AKAP6: variants seen among roughly 807,000 people sequenced by gnomAD.
The protein encoded by AKAP6 is A-kinase anchor protein 6.
In AKAP6, 58 loss-of-function variants were observed where a neutral mutation model predicts 188.5. The ratio of observed to expected loss-of-function variants is 0.31; its 90% confidence interval spans 0.25 to 0.38. AKAP6 has a LOEUF of 0.38. Among genes scored for constraint, AKAP6 ranks in the 10% least tolerant of loss-of-function variants. The pLI is 1.00. For synonymous variants in AKAP6, 989 were observed against 998.6 expected, an observed-to-expected ratio of 0.99 and a Z score of 0.18; for missense variants, 2,710 against 2,740.0, an observed-to-expected ratio of 0.99 and a Z score of 0.24.
chr14:32,596,245 A>G (rs1359588136), intron 5 of AKAP6, among the ~76,000 whole-genome samples: 2 of 152,172 alleles, frequency 1.3e-5, no homozygotes. Flanking sequence ...CCTTGGTTTT[A>G]TGTCCACATG....
intron 12 of AKAP6, among the ~76,000 whole-genome samples, chr14:32,810,123 A>G (rs528133155): frequency 6.6e-5 from 10 of 152,286 alleles, no homozygotes; most frequent in Non-Finnish European, 1.5e-4. Context: ...TCTCTGTGCG[A>G]TCAACTCAGT....
intron 7 of AKAP6, among the ~76,000 whole-genome samples, chr14:32,625,650 TAA>T (rs3842332): frequency 0.41 from 59,786 of 146,946 alleles, 14,201 homozygotes; most frequent in East Asian, 0.73. Context: ...TTTATACAAA[TAA>T]AAAAAAAAAA....
At chr14:32,675,981 C>T (rs79193449) in intron 7 of AKAP6, among the ~76,000 whole-genome samples, 351 of 152,188 alleles carry the variant, frequency 2.3e-3, no homozygotes, top group Non-Finnish European at 3.1e-3. Context: ...TTTTTGTGAC[C>T]AGTGGCACAC....
Position 32,546,769 on chromosome 14 carries a change from T to C in AKAP6, c.2116T>C (p.Ser706Pro), listed in dbSNP as rs1883219697. The C allele has an allele frequency of 6.2e-7, 1 of 1,613,986 alleles. No individual in the cohort carries two copies. Among genetic ancestry groups the C allele is most frequent in the African/African-American group, 1.3e-5 (1 of 74,900 alleles). ...TCCAAGCTCATCTAGTGACATAGCC[T>C]CTTCACTAGGGGAGAGCATTGAATC... is the stretch of plus-strand genomic sequence containing the variant. ...VSPSSSSDIA[S>P]SLGESIESGP... The change falls in exon 4 of 14, where the codon TCT becomes CCT. Residue 706 changes from serine to proline, a missense_variant. Around this residue, in one of 2 missense-constraint regions of AKAP6, gnomAD observed 2,473 missense variants for 2,426.1 expected, o/e 1.02. Coordinates refer to ENST00000280979, the MANE Select transcript of AKAP6 (RefSeq NM_004274.5).
At chr14:32,632,030 T>G (rs1046265547) in intron 7 of AKAP6, among the ~76,000 whole-genome samples, 1 of 152,072 alleles carries the variant, frequency 6.6e-6, no homozygotes, top group Non-Finnish European at 1.5e-5. Flanking sequence ...TATTCATTCT[T>G]TTCCCTCAAG....
chr14:32,554,252 G>C (rs539165347), intron 4 of AKAP6, among the ~76,000 whole-genome samples: 3 of 152,168 alleles, frequency 2.0e-5, no homozygotes, highest in Non-Finnish European at 4.4e-5. Context: ...AGACCATGTG[G>C]CCTAAAAAGA....
chr14:32,496,837 G>A (rs1880343954), intron 2 of AKAP6, among the ~76,000 whole-genome samples: 1 of 152,156 alleles, frequency 6.6e-6, no homozygotes, highest in African/African-American at 2.4e-5. Flanking sequence ...GTGCCCAACA[G>A]TAGTCGTATG....
At chr14:32,726,323 A>G (rs1362975789) in intron 9 of AKAP6, 5 of 576,476 alleles carry the variant, frequency 8.7e-6, no homozygotes, top group African/African-American at 2.0e-5. Context: ...AGGGTTCTGT[A>G]AAAGGTTGCT....
At chr14:32,725,216 C>T (rs890895841) in intron 9 of AKAP6, among the ~76,000 whole-genome samples, 1 of 152,110 alleles carries the variant, frequency 6.6e-6, no homozygotes, top group African/African-American at 2.4e-5. Flanking sequence ...CTAACCAGCT[C>T]TACCACAAAA....
At chr14:32,507,190 G>A (rs1304045906) in intron 2 of AKAP6, among the ~76,000 whole-genome samples, 1 of 152,110 alleles carries the variant, frequency 6.6e-6, no homozygotes, top group East Asian at 1.9e-4. Flanking sequence ...GGTAATTATA[G>A]CATAGCAAAC....
rs539709823 is a variant in AKAP6, at chr14:32,473,003, C to A, written c.324+39186C>A. Among the ~76,000 whole-genome samples, 4 of 152,280 alleles carry A rather than the reference C, an allele frequency of 2.6e-5. No individual in the cohort carries two copies. The East Asian group carries it at 5.8e-4, about 22-fold the overall frequency. On this transcript the variant is annotated intron_variant, in intron 2 of 13. Transcript: ENST00000280979. ...TAAACTGGTTGGATTCTTTCTCTCT[C>A]AGAATGATTAAAGTTGAGCCCAGAA...
At chr14:32,522,299 C>T (rs1881881370) in intron 2 of AKAP6, among the ~76,000 whole-genome samples, 1 of 152,190 alleles carries the variant, frequency 6.6e-6, no homozygotes, top group African/African-American at 2.4e-5. Flanking sequence ...ATGACTGAAA[C>T]ACCAAAAGCA....
At chr14:32,637,294 A>G (rs1200309324) in intron 7 of AKAP6, among the ~76,000 whole-genome samples, 1 of 152,106 alleles carries the variant, frequency 6.6e-6, no homozygotes, top group Non-Finnish European at 1.5e-5. Context: ...TGAAGAAGTA[A>G]TGAGTGAATA....
At position 32,520,341 on chromosome 14, in the gene AKAP6, A is replaced by G. The variant is rs182897642; in HGVS notation, c.325-15213A>G. 5.9e-5 allele frequency among the ~76,000 whole-genome samples: 9 copies of G among 152,338 alleles called. No individual in the cohort carries two copies. In the East Asian group the frequency reaches 1.2e-3, roughly 20 times the overall value. ...AGCTAGCAGAAGGCAAGAATTAACT[A>G]AGATCAGAGCAGAACTGAAGGAGAT... On this transcript the variant is annotated intron_variant, in intron 2 of 13. Coordinates refer to ENST00000280979, the MANE Select transcript of AKAP6 (RefSeq NM_004274.5).
chr14:32,409,033 C>T (rs1172957099), intron 1 of AKAP6, among the ~76,000 whole-genome samples: 2 of 152,084 alleles, frequency 1.3e-5, no homozygotes, highest in African/African-American at 2.4e-5. Flanking sequence ...AACCCTGTCT[C>T]TACTAAAAAT....
intron 2 of AKAP6, among the ~76,000 whole-genome samples, chr14:32,454,656 T>TCTCCTTCCCTCC (rs1891062370): frequency 4.4e-5 from 1 of 22,634 alleles, no homozygotes; most frequent in Non-Finnish European, 7.4e-5. Context: ...TCCTTCCCTC[T>TCTCCTTCCCTCC]CTCCTTCCCT....
At chr14:32,804,490 A>T (rs1045183790) in intron 12 of AKAP6, among the ~76,000 whole-genome samples, 1 of 152,180 alleles carries the variant, frequency 6.6e-6, no homozygotes, top group Non-Finnish European at 1.5e-5. Context: ...AGGTACAAAG[A>T]TCACATGCTT....
At chr14:32,685,444 G>A (rs572061693) in intron 8 of AKAP6, among the ~76,000 whole-genome samples, 32 of 152,068 alleles carry the variant, frequency 2.1e-4, no homozygotes, top group Middle Eastern at 3.4e-3. Flanking sequence ...AGGTCTGGCC[G>A]GGTGCGGTGG....
chr14:32,524,266 C>G (rs1882010442), intron 2 of AKAP6, among the ~76,000 whole-genome samples: 1 of 151,944 alleles, frequency 6.6e-6, no homozygotes, highest in Admixed American at 6.6e-5. Flanking sequence ...CTGTGCAAAT[C>G]AGGATAGTGG....
Sources: allele counts gnomAD v4.1 joint callset (sites outside exome capture counted in the v4.1 genomes callset), GRCh38; gene constraint gnomAD v4.1.1; regional missense constraint gnomAD v4.1.1; transcripts MANE v1.5; gene names NCBI Gene and HGNC (gene_info 2026-07-23, HGNC 2026-07-21).